The following AGMAT variants were observed in gnomAD, a reference collection of about 807,000 sequenced individuals.
The protein encoded by AGMAT is guanidino acid hydrolase, mitochondrial.
A neutral mutation model predicts 29.3 loss-of-function variants in AGMAT; 37 were observed. The ratio of observed to expected loss-of-function variants is 1.26; its 90% CI spans 0.97 to 1.66. The LOEUF is 1.66. AGMAT is among the 40% of genes most tolerant of loss of function. The pLI, the probability that AGMAT is intolerant of heterozygous loss-of-function variation, is 0.00. For missense variants in AGMAT, 498 were observed against 497.8 expected (o/e 1.00, Z 0.00); for synonymous variants, 199 against 200.8 (o/e 0.99, Z 0.08).
Position 15,583,236 on chromosome 1 carries a change from G to C in AGMAT, c.432C>G (p.Ala144=). Residue 144 remains alanine (A), a synonymous_variant, in exon 2 of 7, where the codon GCC becomes GCG. Transcript: ENST00000375826. ...LQDSCRRIQE[A]YEKIVAAGCI... is the part of the protein sequence containing the mutation. ...AGCCAGCTGCTACAATTTTCTCATA[G>C]GCCTCTTGAATTCGCCGGCAGCTGT... 1 of 1,614,074 alleles carries C rather than the reference G, an allele frequency of 6.2e-7. No homozygotes were observed. The highest frequency in any genetic ancestry group is 8.5e-7 in the Non-Finnish European group (1 of 1,180,026).
intron 1 of AGMAT, among the ~76,000 whole-genome samples, chr1:15,584,280 T>C (rs1350792123): frequency 6.6e-6 from 1 of 151,996 alleles, no homozygotes; most frequent in Non-Finnish European, 1.5e-5. Context: ...GTAGCTGGGA[T>C]TACAGGCCCG....
intron 6 of AGMAT, 95 bp from the exon 7 acceptor site, chr1:15,573,819 T>C (rs1486228355): frequency 9.1e-7 from 1 of 1,101,756 alleles, no homozygotes; most frequent in African/African-American, 1.6e-5. Context: ...TTGTGCCTCC[T>C]TTTCCAGAGC....
chr1:15,583,589 C>T (rs1430236950), intron 1 of AGMAT, among the ~76,000 whole-genome samples, 194 bp from the exon 2 acceptor site: 5 of 152,172 alleles, frequency 3.3e-5, no homozygotes. Context: ...GGTGTAACAA[C>T]CCAAAACGCC....
chr1:15,577,340 C>T (rs1310781628), intron 5 of AGMAT, among the ~76,000 whole-genome samples: 5 of 151,914 alleles, frequency 3.3e-5, no homozygotes, highest in Admixed American at 6.6e-5. Context: ...TTTGGGAAGC[C>T]GAGGTGAGTG....
intron 2 of AGMAT, among the ~76,000 whole-genome samples, chr1:15,581,307 C>T (rs1189040950): frequency 6.6e-6 from 1 of 151,930 alleles, no homozygotes; most frequent in Admixed American, 6.6e-5. Flanking sequence ...CATGTCGGCA[C>T]CACTGCACTC....
At chr1:15,584,068 G>A (rs897650805) in intron 1 of AGMAT, among the ~76,000 whole-genome samples, 1 of 152,202 alleles carries the variant, frequency 6.6e-6, no homozygotes, top group Non-Finnish European at 1.5e-5. Flanking sequence ...GGAGAGGAGA[G>A]GGGAGGAATC....
chr1:15,574,022 G>A (rs41486146), intron 6 of AGMAT, among the ~76,000 whole-genome samples: 32,279 of 152,148 alleles, frequency 0.21, 3,654 homozygotes, highest in Middle Eastern at 0.23. Context: ...CTCTGAGGTC[G>A]ATAGGCCTAA....
chr1:15,573,455 A>T lies in AGMAT; in HGVS notation c.*196T>A. On this transcript the variant is annotated 3_prime_UTR_variant, in exon 7 of 7. Transcript: ENST00000375826. The stretch of plus-strand genomic sequence containing the variant: ...CAAGTACTCCTTTTTTTTTCCCCCA[A>T]TTAATCCAAGTTCCTTAGAAATGTT... 1.9e-6 allele frequency: 1 copy of T among 528,338 alleles called. No homozygotes were observed. Among genetic ancestry groups the T allele is most frequent in the Non-Finnish European group, 3.5e-6 (1 of 289,208 alleles). 32.7% of individuals were successfully genotyped at this position (528,338 alleles called of 1,614,324 possible).
rs200060437 is a variant in AGMAT at position 15,583,387 on chromosome 1, G to C, written c.281C>G (p.Pro94Arg). 112 of 1,613,242 alleles carry C rather than the reference G, an allele frequency of 6.9e-5. 2 individuals are homozygous for C. The South Asian group carries it at 1.2e-3, about 17-fold the overall frequency. ...CACTGATTCTTCCCGGATGCGGCGA[G>C]GTCCGAATCTGCAGAAGGAAGAATC... is the stretch of plus-strand genomic sequence containing the variant. ...TSNRPGARFG[P>R]RRIREESVML... The change falls in exon 2 of 7, where the codon CCT (proline) becomes CGT (arginine). Residue 94 changes from proline (P) to arginine (R), a missense_variant. Physicochemically the swap from Pro to Arg is moderately radical, Grantham distance 103. Transcript: ENST00000375826.
intron 5 of AGMAT, 141 bp from the exon 6 acceptor site, chr1:15,574,982 A>G (rs1375323953): frequency 6.5e-6 from 4 of 619,928 alleles, no homozygotes; most frequent in African/African-American, 5.5e-5. Flanking sequence ...TGCCAGGCAC[A>G]CTGGCAGGCC....
chr1:15,581,465 A>G (rs1408611829), intron 2 of AGMAT, among the ~76,000 whole-genome samples: 1 of 152,234 alleles, frequency 6.6e-6, no homozygotes, highest in African/African-American at 2.4e-5. Context: ...ACCTTCTATG[A>G]TGATGACAAT....
At chr1:15,583,977 G>A (rs1319336671) in intron 1 of AGMAT, among the ~76,000 whole-genome samples, 1 of 152,148 alleles carries the variant, frequency 6.6e-6, no homozygotes, top group Non-Finnish European at 1.5e-5. Flanking sequence ...CATTTCTTGA[G>A]TCAGGTGACA....
intron 2 of AGMAT, among the ~76,000 whole-genome samples, chr1:15,581,252 G>A (rs1294939890): frequency 3.3e-5 from 5 of 152,008 alleles, no homozygotes; most frequent in African/African-American, 4.8e-5. Context: ...GGAGGCTGGA[G>A]TGGAAGGATC....
intron 5 of AGMAT, 91 bp downstream of exon 5, chr1:15,577,594 A>G: frequency 7.4e-7 from 1 of 1,355,804 alleles, no homozygotes; most frequent in African/African-American, 1.5e-5. Flanking sequence ...CAAAAATCCT[A>G]TCCTGATTCC....
rs1045979931 is a variant in AGMAT, at chr1:15,584,920, GCCGGGCC to G, written c.41_47del (p.Gly14AlafsTer44). On this transcript the variant is annotated frameshift_variant, in exon 1 of 7. Coordinates refer to ENST00000375826, the MANE Select transcript of AGMAT (RefSeq NM_024758.5). LOFTEE classifies it high-confidence loss of function. ...GCCCTGCGGCAGGACGCGCGCCCACGCCGGGCCCCGGGCCCCGGGCGCACCCGGACGC... is the reference window on the plus strand; with the variant it reads ...GCCCTGCGGCAGGACGCGCGCCCACGCCGGGCCCCGGGCGCACCCGGACGC... The G allele has an allele frequency of 4.3e-5, 59 of 1,378,296 alleles. No individual in the cohort carries two copies. Among genetic ancestry groups the G allele is most frequent in the Non-Finnish European group, 5.1e-5 (55 of 1,074,174 alleles). The allele number at this position is 1,378,296 out of a possible 1,614,324, so 85.4% of individuals were successfully genotyped here.
intron 2 of AGMAT, among the ~76,000 whole-genome samples, chr1:15,582,641 T>C (rs1036503880): frequency 2.6e-5 from 4 of 152,198 alleles, no homozygotes; most frequent in African/African-American, 7.2e-5. Context: ...TATAGGTTGA[T>C]GTAGACCCTG....
chr1:15,577,692 GGAGT>G lies in AGMAT; in HGVS notation c.889_892del (p.Thr297LeufsTer14). On this transcript the variant is annotated frameshift_variant, in exon 5 of 7. Coordinates refer to ENST00000375826, the MANE Select transcript of AGMAT (RefSeq NM_024758.5). LOFTEE classifies it high-confidence loss of function. ...CTGGTGGAATCTCCTTACCTGACTA[GGAGT>G]GAGACCAGCAATTTCAGGTGTCCCT... 6.2e-7 allele frequency: 1 copy of G among 1,613,350 alleles called. No homozygotes were observed. The highest frequency in any genetic ancestry group is 8.5e-7 in the Non-Finnish European group (1 of 1,179,418).
chr1:15,574,690 T>C (rs1639006754), intron 6 of AGMAT, 67 bp downstream of exon 6: 1 of 1,435,376 alleles, frequency 7.0e-7, no homozygotes, highest in African/African-American at 1.4e-5. Flanking sequence ...ATTTTCTACT[T>C]ATTAACTAGC....
chr1:15,578,073 A>G (rs1639063372), intron 4 of AGMAT, among the ~76,000 whole-genome samples: 2 of 152,206 alleles, frequency 1.3e-5, no homozygotes, highest in Admixed American at 1.3e-4. Flanking sequence ...GGAATCAGAG[A>G]GAAGCTTTGC....
Sources: allele counts gnomAD v4.1 joint callset (sites outside exome capture counted in the v4.1 genomes callset), GRCh38; gene constraint gnomAD v4.1.1; transcripts MANE v1.5; gene names NCBI Gene and HGNC (gene_info 2026-07-23, HGNC 2026-07-21).